The following WARS1 variants were observed in gnomAD, a reference collection of about 807,000 sequenced individuals.
WARS1 encodes tryptophanyl-tRNA synthetase 1.
A neutral mutation model predicts 47.8 loss-of-function variants in WARS1; 17 were observed. That is an observed-to-expected ratio of 0.36 (90% CI 0.24 to 0.53). WARS1 has a LOEUF of 0.53. WARS1 is among the 20% of genes least tolerant of loss of function. The pLI is 0.91. For synonymous variants in WARS1, 208 were observed against 228.1 expected, an observed-to-expected ratio of 0.91 and a Z score of 0.79; for missense variants, 434 against 608.0, an observed-to-expected ratio of 0.71 and a Z score of 3.01.
chr14:100,353,611 C>T (rs752107558), intron 6 of WARS1, 76 bp downstream of exon 6: 79 of 1,526,862 alleles, frequency 5.2e-5, no homozygotes, highest in East Asian at 2.0e-4. Context: ...TCAGTTGTTT[C>T]GAATTTAGCT....
chr14:100,365,907 T>G (rs1173732047), intron 2 of WARS1: 1 of 420,824 alleles, frequency 2.4e-6, no homozygotes. Flanking sequence ...TGTACACTGT[T>G]ACGGAATCAC....
In WARS1 at chr14:100,368,823, T is replaced by G. The variant is rs1386321371; in HGVS notation, c.99+264A>C. Among the ~76,000 whole-genome samples the G allele has an allele frequency of 9.9e-5, 15 of 152,144 alleles. No homozygotes were observed. In the East Asian group the frequency reaches 2.7e-3, roughly 27 times the overall value. ...CTAAAAATACAAAATTAGCTGGGTG[T>G]GGTGGTGCATGCCTGTAATCCCAGC... On this transcript the variant is annotated intron_variant, in intron 2 of 10. Transcript: ENST00000392882.
At chr14:100,374,036 A>C (rs997764860) in intron 1 of WARS1, 1 of 152,176 alleles carries the variant, frequency 6.6e-6, no homozygotes, top group South Asian at 2.1e-4. Context: ...TGAACTTCAG[A>C]GGTTTTTCAA....
intron 10 of WARS1, 82 bp downstream of exon 10, chr14:100,336,980 C>T (rs2139877931): frequency 6.4e-7 from 1 of 1,556,586 alleles, no homozygotes. Flanking sequence ...GCCTTCATGC[C>T]TGGCTGTTGG....
intron 6 of WARS1, among the ~76,000 whole-genome samples, chr14:100,352,207 G>T (rs1895040578): frequency 6.8e-6 from 1 of 147,698 alleles, no homozygotes; most frequent in Admixed American, 6.8e-5. Context: ...CGCCTCCCAG[G>T]TTCAAGCGAT....
chr14:100,360,765 T>C, intron 3 of WARS1, 103 bp from the exon 4 acceptor site: 1 of 828,794 alleles, frequency 1.2e-6, no homozygotes, highest in Non-Finnish European at 1.9e-6. Context: ...ACAATCTTAA[T>C]GAACACAAAC....
Position 100,346,761 on chromosome 14 carries a change from C to T in WARS1, c.811G>A (p.Asp271Asn), listed in dbSNP as rs749060530. 1 of 1,614,024 alleles carries T rather than the reference C, an allele frequency of 6.2e-7. No individual in the cohort carries two copies. Among genetic ancestry groups the T allele is most frequent in the Admixed American group, 1.7e-5 (1 of 60,028 alleles). ...NQVKGIFGFT[D>N]SDCIGKISFP... ...GGCCTCTTACCAATGCAGTCGCTGT[C>T]AGTGAAGCCGAAAATGCCTTTCACT... The change falls in exon 7 of 11, where the codon GAC (aspartate) becomes AAC (asparagine). Residue 271 changes from aspartate to asparagine, a missense_variant. Physicochemically the swap from Asp to Asn is conservative, Grantham distance 23. Coordinates refer to ENST00000392882, the MANE Select transcript of WARS1 (RefSeq NM_004184.4).
At chr14:100,364,481 C>A (rs12888855) in intron 2 of WARS1, among the ~76,000 whole-genome samples, 25,556 of 152,154 alleles carry the variant, frequency 0.17, 2,426 homozygotes, top group Non-Finnish European at 0.22. Flanking sequence ...CCCAATGTGG[C>A]TCACACTATT....
chr14:100,353,884 G>C lies in WARS1; in HGVS notation c.543-15C>G, dbSNP rs773813170. The C allele has an allele frequency of 1.5e-5, 24 of 1,610,090 alleles. 2 individuals are homozygous for C. The South Asian group carries it at 2.3e-4, about 16-fold the overall frequency. ...CCTGGAGCCACCTAAAGAAACACAG[G>C]GGGAGAAAGCTGACGTCTCATCTCC... On this transcript the variant is annotated splice_polypyrimidine_tract_variant and intron_variant, in intron 5 of 10. Transcript: ENST00000392882.
At chr14:100,374,864 T>C (rs1228918938) in intron 1 of WARS1, 3 of 152,062 alleles carry the variant, frequency 2.0e-5, no homozygotes, top group Admixed American at 6.5e-5. Flanking sequence ...TCATGTTCCA[T>C]TTTTTTTAAA....
chr14:100,353,603 A>C, intron 6 of WARS1, 84 bp downstream of exon 6: 1 of 1,490,950 alleles, frequency 6.7e-7, no homozygotes, highest in East Asian at 2.3e-5. Flanking sequence ...AGACCATTTC[A>C]GTTGTTTCGA....
intron 2 of WARS1, 56 bp downstream of exon 2, chr14:100,369,031 C>T (rs908414743): frequency 2.3e-5 from 30 of 1,328,000 alleles, no homozygotes; most frequent in Non-Finnish European, 2.8e-5. Flanking sequence ...GGAACACAAC[C>T]CTACAGACTT....
intron 7 of WARS1, among the ~76,000 whole-genome samples, chr14:100,346,231 G>A (rs1380616193): frequency 2.0e-5 from 3 of 152,230 alleles, no homozygotes; most frequent in Non-Finnish European, 4.4e-5. Context: ...ATCTGCTGGG[G>A]TGGAGCCATG....
chr14:100,350,399 G>GAGAAA (rs1894894440), intron 6 of WARS1, among the ~76,000 whole-genome samples: 2 of 112,150 alleles, frequency 1.8e-5, no homozygotes, highest in Non-Finnish European at 3.3e-5. Context: ...CTCAAAAAAA[G>GAGAAA]AAAAAAAAAA....
intron 2 of WARS1, chr14:100,365,996 G>C (rs995912369): frequency 8.8e-6 from 4 of 455,890 alleles, no homozygotes; most frequent in African/African-American, 8.0e-5. Flanking sequence ...CAGGAGCGCT[G>C]GTTGAAGTCT....
chr14:100,371,686 G>A (rs752643548), intron 1 of WARS1, among the ~76,000 whole-genome samples: 1 of 152,166 alleles, frequency 6.6e-6, no homozygotes, highest in African/African-American at 2.4e-5. Flanking sequence ...AGTGAGCTGA[G>A]ACCATGCCAC....
At chr14:100,338,465 T>A (rs1893901776) in intron 9 of WARS1, among the ~76,000 whole-genome samples, 1 of 152,074 alleles carries the variant, frequency 6.6e-6, no homozygotes, top group African/African-American at 2.4e-5. Flanking sequence ...CCAGGTTTTG[T>A]CGTGTAGTCC....
intron 1 of WARS1, among the ~76,000 whole-genome samples, chr14:100,370,978 T>C (rs1896313706): frequency 6.6e-6 from 1 of 152,068 alleles, no homozygotes; most frequent in Admixed American, 6.6e-5. Flanking sequence ...AACTTGCCCA[T>C]GTTAACATCA....
At position 100,352,020 on chromosome 14, in the gene WARS1, A is replaced by AC. The variant is rs1451422569; in HGVS notation, c.725+1666dup. Reference sequence around the variant, plus strand: ...AAAAAAAAAGAAAAAGAAAAAGCTAACAGTTTTACTGGCTGATAGAAGGGC... The same window carrying AC: ...AAAAAAAAAGAAAAAGAAAAAGCTAACCAGTTTTACTGGCTGATAGAAGGGC... On this transcript the variant is annotated intron_variant, in intron 6 of 10. Coordinates refer to ENST00000392882, the MANE Select transcript of WARS1 (RefSeq NM_004184.4). Among the ~76,000 whole-genome samples, 9 of 151,336 alleles carry AC rather than the reference A, an allele frequency of 5.9e-5. No individual in the cohort carries two copies. The East Asian group carries it at 1.4e-3, about 23-fold the overall frequency.
Sources: gnomAD v4.1 joint callset for allele counts (sites outside exome capture counted in the v4.1 genomes callset) on GRCh38, gnomAD v4.1.1 for gene constraint, MANE v1.5 for transcripts, NCBI Gene and HGNC (gene_info 2026-07-23, HGNC 2026-07-21) for gene names.